The following RBFOX1 variants were observed in gnomAD, a reference collection of about 807,000 sequenced individuals.
RBFOX1 encodes RNA binding fox-1 homolog 1.
RBFOX1 carries 8 observed loss-of-function variants against 57.7 expected under a neutral mutation model. That is an observed-to-expected ratio of 0.14 (90% CI 0.08 to 0.25). RBFOX1 has a LOEUF of 0.25. Among genes scored for constraint, RBFOX1 ranks in the 10% least tolerant of loss-of-function variants. The pLI, the probability that RBFOX1 is intolerant of heterozygous loss-of-function variation, is 1.00. For synonymous variants in RBFOX1, 326 were observed against 222.4 expected (o/e 1.47, Z -4.15); for missense variants, 611 against 548.5 (o/e 1.11, Z -1.14).
intron 2 of RBFOX1, among the ~76,000 whole-genome samples, chr16:6,492,117 A>AGTGTGT (rs112851602): frequency 3.1e-4 from 47 of 151,560 alleles, no homozygotes; most frequent in African/African-American, 9.2e-4. Flanking sequence ...AGTATATGAA[A>AGTGTGT]GTGTGTGTGT....
chr16:6,117,167 C>T (rs193076061), intron 1 of RBFOX1, among the ~76,000 whole-genome samples: 35 of 152,100 alleles, frequency 2.3e-4, no homozygotes, highest in African/African-American at 6.5e-4. Flanking sequence ...CCCAAATGAA[C>T]GGGATTCCCT....
intron 4 of RBFOX1, among the ~76,000 whole-genome samples, chr16:7,277,270 G>C (rs2095458555): frequency 6.6e-6 from 1 of 152,112 alleles, no homozygotes; most frequent in Non-Finnish European, 1.5e-5. Flanking sequence ...TGGATTTTCA[G>C]AAGCAAAATA....
At chr16:7,641,795 G>C (rs549089339) in intron 11 of RBFOX1, among the ~76,000 whole-genome samples, 2 of 152,128 alleles carry the variant, frequency 1.3e-5, no homozygotes, top group South Asian at 4.1e-4. Context: ...TGTGACCTTG[G>C]CCAAGTCTCC....
At chr16:5,385,049 G>C (rs1191980208) in intron 1 of RBFOX1, among the ~76,000 whole-genome samples, 1 of 152,166 alleles carries the variant, frequency 6.6e-6, no homozygotes, top group Admixed American at 6.5e-5. Context: ...TAACACAAAA[G>C]AAGAACAGAA....
chr16:7,664,993 C>T lies in RBFOX1; in HGVS notation c.930+25C>T, dbSNP rs777448668. 5 of 1,613,882 alleles carry T rather than the reference C, an allele frequency of 3.1e-6. No individual in the cohort carries two copies. In the Admixed American group the frequency reaches 6.7e-5, roughly 22 times the overall value. On this transcript the variant is annotated intron_variant, in intron 13 of 15. Coordinates refer to ENST00000550418, the MANE Select transcript of RBFOX1 (RefSeq NM_018723.4). ...TGTAAGTATTCATTCACGTGCATGC[C>T]ATCCCCGTTTCCTCCTGGAGTCATT...
chr16:7,398,397 A>G (rs79272649), intron 4 of RBFOX1, among the ~76,000 whole-genome samples: 10,038 of 152,322 alleles, frequency 0.066, 416 homozygotes, highest in East Asian at 0.2. Context: ...CTGAAGATGT[A>G]AGATTTTGTT....
chr16:5,952,596 A>T (rs1423211836), intron 4 of RBFOX1, among the ~76,000 whole-genome samples: 1 of 152,084 alleles, frequency 6.6e-6, no homozygotes, highest in Non-Finnish European at 1.5e-5. Flanking sequence ...CTATGTATAT[A>T]TTTTTGTTCT....
At chr16:5,942,941 C>A (rs900279679) in intron 4 of RBFOX1, among the ~76,000 whole-genome samples, 1 of 152,168 alleles carries the variant, frequency 6.6e-6, no homozygotes, top group Non-Finnish European at 1.5e-5. Flanking sequence ...GCTGAGCCTA[C>A]ACTGTCTCGG....
At chr16:6,735,989 C>G (rs1396092348) in intron 3 of RBFOX1, among the ~76,000 whole-genome samples, 15 of 19,460 alleles carry the variant, frequency 7.7e-4, no homozygotes, top group Admixed American at 4.2e-3. Context: ...TGGGCCTGCT[C>G]AAGGGTAATT....
intron 2 of RBFOX1, among the ~76,000 whole-genome samples, chr16:6,559,786 C>T (rs767219658): frequency 1.4e-4 from 22 of 152,056 alleles, no homozygotes; most frequent in Non-Finnish European, 2.6e-4. Context: ...AGGCGCTCTT[C>T]CTGCATTTGG....
chr16:6,406,058 A>G (rs1412533074), intron 2 of RBFOX1, among the ~76,000 whole-genome samples: 1 of 152,196 alleles, frequency 6.6e-6, no homozygotes, highest in African/African-American at 2.4e-5. Context: ...AATGTCTCAC[A>G]TATGTCCTGG....
chr16:7,697,110 C>T (rs559969569), intron 14 of RBFOX1, among the ~76,000 whole-genome samples: 11 of 152,250 alleles, frequency 7.2e-5, no homozygotes, highest in African/African-American at 2.4e-4. Flanking sequence ...GATAAGACTG[C>T]TTTGTGGAGA....
At chr16:7,283,945 A>G (rs1449999325) in intron 4 of RBFOX1, among the ~76,000 whole-genome samples, 1 of 152,236 alleles carries the variant, frequency 6.6e-6, no homozygotes, top group Non-Finnish European at 1.5e-5. Context: ...AGTTATAGTT[A>G]GTCCCCAGCT....
At chr16:6,020,377 C>A (rs1216538996) in intron 1 of RBFOX1, among the ~76,000 whole-genome samples, 2 of 152,106 alleles carry the variant, frequency 1.3e-5, no homozygotes, top group African/African-American at 4.8e-5. Flanking sequence ...ACTCAGCGCG[C>A]CCCCGGACCG....
At position 5,724,702 on chromosome 16, in the gene RBFOX1, G is replaced by C. The variant is rs76452915; in HGVS notation, c.318+125741G>C. Among the ~76,000 whole-genome samples the C allele has an allele frequency of 2.0e-5, 3 of 152,254 alleles. No homozygotes were observed. The East Asian group carries it at 5.8e-4, about 29-fold the overall frequency. On this transcript the variant is annotated intron_variant, in intron 3 of 19. Coordinates refer to the RBFOX1 transcript ENST00000641259. ...CTTCTCCCATCACACAGAGAGCCCA[G>C]ATGGGAAGTAAGGTAACAGGTGAGG...
intron 1 of RBFOX1, chr16:5,365,859 G>A (rs1245592007): frequency 3.9e-6 from 2 of 513,186 alleles, no homozygotes; most frequent in East Asian, 1.1e-4. Context: ...TTTCGGGTGT[G>A]AACTCAAGGC....
intron 4 of RBFOX1, among the ~76,000 whole-genome samples, chr16:5,967,791 T>C (rs1380149834): frequency 6.6e-6 from 1 of 152,126 alleles, no homozygotes; most frequent in Non-Finnish European, 1.5e-5. Flanking sequence ...GGCTCAGAAT[T>C]ATAATACTCA....
intron 3 of RBFOX1, among the ~76,000 whole-genome samples, chr16:6,823,137 A>G (rs1057282931): frequency 6.6e-6 from 1 of 152,114 alleles, no homozygotes; most frequent in African/African-American, 2.4e-5. Context: ...CCTGTATTTG[A>G]TAGAAGCCAG....
chr16:5,451,333 T>C (rs2068420377), intron 1 of RBFOX1, among the ~76,000 whole-genome samples: 1 of 152,136 alleles, frequency 6.6e-6, no homozygotes. Context: ...TAATGACCCA[T>C]CAACAGGGAT....
Sources: allele counts gnomAD v4.1 joint callset (sites outside exome capture counted in the v4.1 genomes callset), GRCh38; gene constraint gnomAD v4.1.1; transcripts MANE v1.5; gene names NCBI Gene and HGNC (gene_info 2026-07-23, HGNC 2026-07-21).